Variants in PRKCH observed in about 807,000 individuals in gnomAD.
PRKCH encodes the protein protein kinase C eta.
In PRKCH, 28 loss-of-function variants were observed where a neutral mutation model predicts 82.5. The ratio of observed to expected loss-of-function variants is 0.34; its 90% CI spans 0.25 to 0.47. The LOEUF (loss-of-function observed/expected upper bound fraction) is 0.47. Among genes scored for constraint, PRKCH ranks in the 20% least tolerant of loss-of-function variants. PRKCH has a pLI of 1.00. For missense variants in PRKCH, 705 were observed against 881.8 expected, an observed-to-expected ratio of 0.80 and a Z score of 2.54; for synonymous variants, 322 against 327.4, an observed-to-expected ratio of 0.98 and a Z score of 0.18.
At chr14:61,323,314 C>G (rs1375526928) in intron 1 of PRKCH, among the ~76,000 whole-genome samples, 2 of 152,214 alleles carry the variant, frequency 1.3e-5, no homozygotes, top group Non-Finnish European at 2.9e-5. Flanking sequence ...CTAGAGCGCT[C>G]TACACGGTGC....
At chr14:61,429,676 T>A (rs184434624) in intron 2 of PRKCH, among the ~76,000 whole-genome samples, 29 of 152,128 alleles carry the variant, frequency 1.9e-4, no homozygotes, top group Non-Finnish European at 3.5e-4. Context: ...ACAAGACCCA[T>A]TCTAAAGACG....
intron 1 of PRKCH, among the ~76,000 whole-genome samples, chr14:61,225,448 C>A (rs2044689612): frequency 6.6e-6 from 1 of 152,176 alleles, no homozygotes; most frequent in Non-Finnish European, 1.5e-5. Context: ...TGGATGGACC[C>A]AAGCAGGCAG....
At chr14:61,356,092 G>A (rs971007255) in intron 1 of PRKCH, among the ~76,000 whole-genome samples, 1 of 152,206 alleles carries the variant, frequency 6.6e-6, no homozygotes, top group Non-Finnish European at 1.5e-5. Flanking sequence ...CTGACTGAGC[G>A]CTTGGCATTC....
intron 1 of PRKCH, among the ~76,000 whole-genome samples, chr14:61,210,700 T>C (rs2044568195): frequency 6.6e-6 from 1 of 151,684 alleles, no homozygotes; most frequent in South Asian, 2.1e-4. Context: ...TGAACATCAT[T>C]GGAATAAATG....
chr14:61,338,069 T>C (rs1352491485), intron 1 of PRKCH, among the ~76,000 whole-genome samples: 1 of 152,182 alleles, frequency 6.6e-6, no homozygotes, highest in East Asian at 1.9e-4. Flanking sequence ...GGCGCTGCTG[T>C]TGCAAATGTC....
At chr14:61,233,318 G>C (rs1013647871) in intron 1 of PRKCH, among the ~76,000 whole-genome samples, 1 of 151,758 alleles carries the variant, frequency 6.6e-6, no homozygotes, top group African/African-American at 2.4e-5. Flanking sequence ...TTGAGCCCAA[G>C]AGATTGAGGC....
chr14:61,510,891 C>A (rs1246451655), intron 10 of PRKCH, among the ~76,000 whole-genome samples: 1 of 151,972 alleles, frequency 6.6e-6, no homozygotes, highest in African/African-American at 2.4e-5. Flanking sequence ...CTAATGTGCA[C>A]AAAGGTACCA....
At chr14:61,542,963 T>G (rs1333329471) in intron 12 of PRKCH, among the ~76,000 whole-genome samples, 1 of 152,202 alleles carries the variant, frequency 6.6e-6, no homozygotes, top group Non-Finnish European at 1.5e-5. Flanking sequence ...TCATCATAAC[T>G]TTTTAAAATA....
intron 10 of PRKCH, among the ~76,000 whole-genome samples, chr14:61,513,192 A>G (rs1187247185): frequency 6.6e-6 from 1 of 152,138 alleles, no homozygotes; most frequent in Non-Finnish European, 1.5e-5. Flanking sequence ...TACACTTTAC[A>G]CTCAAGGGGT....
intron 2 of PRKCH, among the ~76,000 whole-genome samples, chr14:61,433,553 C>T (rs1055673103): frequency 1.3e-5 from 2 of 152,116 alleles, no homozygotes; most frequent in African/African-American, 4.8e-5. Flanking sequence ...GTAGAGAGAA[C>T]AGTCCCTGAG....
intron 2 of PRKCH, among the ~76,000 whole-genome samples, chr14:61,431,396 T>C (rs1329054585): frequency 6.6e-6 from 1 of 152,212 alleles, no homozygotes; most frequent in Non-Finnish European, 1.5e-5. Context: ...CACTTGGCCC[T>C]CTTCCACGTG....
At chr14:61,407,091 G>A (rs2140226744) in intron 2 of PRKCH, among the ~76,000 whole-genome samples, 1 of 152,268 alleles carries the variant, frequency 6.6e-6, no homozygotes, top group Non-Finnish European at 1.5e-5. Flanking sequence ...TACATGGTGG[G>A]CAGGAATAGG....
At chr14:61,429,541 G>A (rs539213774) in intron 2 of PRKCH, among the ~76,000 whole-genome samples, 6 of 152,310 alleles carry the variant, frequency 3.9e-5, no homozygotes, top group Non-Finnish European at 8.8e-5. Context: ...CACACCCATT[G>A]TTTTCAGGGC....
At chr14:61,526,894 A>G (rs548405652) in intron 10 of PRKCH, among the ~76,000 whole-genome samples, 2 of 152,206 alleles carry the variant, frequency 1.3e-5, no homozygotes, top group African/African-American at 4.8e-5. Flanking sequence ...CCTCCTTGTC[A>G]CTGATCAGCC....
intron 9 of PRKCH, among the ~76,000 whole-genome samples, chr14:61,466,053 G>A (rs1319157592): frequency 6.6e-6 from 1 of 152,142 alleles, no homozygotes; most frequent in Non-Finnish European, 1.5e-5. Flanking sequence ...TGAACAGTCT[G>A]TATCCAAGTC....
intron 1 of PRKCH, chr14:61,281,004 G>C: frequency 6.5e-7 from 1 of 1,539,928 alleles, no homozygotes; most frequent in Non-Finnish European, 8.7e-7. Flanking sequence ...CCAGGCCCAG[G>C]CCGATGAAGG....
At chr14:61,475,425 C>G (rs1182994167) in intron 9 of PRKCH, among the ~76,000 whole-genome samples, 1 of 152,172 alleles carries the variant, frequency 6.6e-6, no homozygotes, top group Non-Finnish European at 1.5e-5. Flanking sequence ...TTCTCGACCA[C>G]TAGGGGGTGC....
At chr14:61,316,948 A>G (rs928372672), upstream of PRKCH, among the ~76,000 whole-genome samples, 3 of 152,104 alleles carry the variant, frequency 2.0e-5, no homozygotes, top group Non-Finnish European at 4.4e-5. Flanking sequence ...TGAGAGGGGG[A>G]AGGAAGGAGA....
At chr14:61,356,785 G>A (rs1238871016) in intron 1 of PRKCH, among the ~76,000 whole-genome samples, 1 of 152,134 alleles carries the variant, frequency 6.6e-6, no homozygotes, top group African/African-American at 2.4e-5. Flanking sequence ...AGGTTCAAAC[G>A]ATTCTCCTGC....
Sources: gnomAD v4.1 joint callset for allele counts (sites outside exome capture counted in the v4.1 genomes callset) on GRCh38, gnomAD v4.1.1 for gene constraint, MANE v1.5 for transcripts, NCBI Gene and HGNC (gene_info 2026-07-23, HGNC 2026-07-21) for gene names.